The following ERAP2 variants were observed in gnomAD, a reference collection of about 807,000 sequenced individuals.
ERAP2 encodes leukocyte-derived arginine aminopeptidase.
Under a neutral mutation model 111.1 loss-of-function variants are expected in ERAP2, and 118 were observed. That is an observed-to-expected ratio of 1.06 (90% CI 0.92 to 1.24). The LOEUF (loss-of-function observed/expected upper bound fraction) is 1.24. Ranked by LOEUF, ERAP2 falls within the 50% of genes most tolerant of loss-of-function variation. The pLI is 0.00. For missense variants in ERAP2, 1,131 were observed against 1,125.8 expected, an observed-to-expected ratio of 1.00 and a Z score of -0.07; for synonymous variants, 410 against 401.2, an observed-to-expected ratio of 1.02 and a Z score of -0.26.
chr5:96,891,535 T>TACACAC (rs140359623), intron 5 of ERAP2, among the ~76,000 whole-genome samples: 2 of 138,992 alleles, frequency 1.4e-5, no homozygotes, highest in South Asian at 2.3e-4. Context: ...ACGGTATATA[T>TACACAC]ACACACACAC....
intron 2 of ERAP2, chr5:96,881,532 T>C (rs1402178668): frequency 2.0e-5 from 9 of 453,198 alleles, no homozygotes; most frequent in South Asian, 3.1e-5. Flanking sequence ...TTGTGTTCAA[T>C]TGCCAGTTGG....
intron 5 of ERAP2, among the ~76,000 whole-genome samples, chr5:96,891,144 G>A (rs1456099897): frequency 1.3e-5 from 2 of 152,032 alleles, no homozygotes; most frequent in African/African-American, 4.8e-5. Flanking sequence ...GAATTAACCA[G>A]TATTAACTCC....
At chr5:96,909,942 A>G (rs2112349004) in intron 15 of ERAP2, 178 bp downstream of exon 15, 1 of 576,856 alleles carries the variant, frequency 1.7e-6, no homozygotes, top group Admixed American at 3.1e-5. Context: ...GACTAGTACA[A>G]TCTCTACCAT....
At chr5:96,885,370 C>A (rs1215948320) in intron 3 of ERAP2, among the ~76,000 whole-genome samples, 3 of 152,120 alleles carry the variant, frequency 2.0e-5, no homozygotes, top group Non-Finnish European at 4.4e-5. Flanking sequence ...AAAATGGAGA[C>A]GGTTGTTGGG....
intron 4 of ERAP2, among the ~76,000 whole-genome samples, 172 bp from the exon 5 acceptor site, chr5:96,889,013 T>C (rs994857209): frequency 1.3e-5 from 2 of 152,198 alleles, no homozygotes; most frequent in African/African-American, 4.8e-5. Flanking sequence ...CAAGACTGAC[T>C]TTTGCTTTAA....
rs1554061288 is a variant in ERAP2 at position 96,914,148 on chromosome 5, TCACACA to T, written c.2657+706_2657+711del. ...CTTTCTGTCTCTCTCTCTCTCTCTC[TCACACA>T]CACACACACACACAATCACAAAACC... On this transcript the variant is annotated intron_variant, in intron 17 of 18. Transcript: ENST00000437043. 3.1e-3 allele frequency among the ~76,000 whole-genome samples: 466 copies of T among 148,076 alleles called. 1 individual carries two copies. The highest frequency in any genetic ancestry group is 5.1e-3 in the Non-Finnish European group (343 of 67,006).
At position 96,909,009 on chromosome 5, in the gene ERAP2, C is replaced by T; in HGVS notation, c.2061C>T (p.Leu687=). ...LDKALDMTYY[L]QHETSSPALL... Reference sequence around the variant, plus strand: ...AAGCTCTTGACATGACTTACTACCTCCAACATGAAACAAGCAGCCCCGCAC... The same window carrying T: ...AAGCTCTTGACATGACTTACTACCTTCAACATGAAACAAGCAGCCCCGCAC... Residue 687 remains leucine (L), a synonymous_variant, in exon 14 of 19, where the codon CTC becomes CTT. Transcript: ENST00000437043. 1 of 1,614,176 alleles carries T rather than the reference C, an allele frequency of 6.2e-7. No individual in the cohort carries two copies. Among genetic ancestry groups the T allele is most frequent in the Non-Finnish European group, 8.5e-7 (1 of 1,180,024 alleles).
At chr5:96,884,072 A>ATCTG (rs1340238114) in intron 3 of ERAP2, 142 bp downstream of exon 3, 3 of 556,180 alleles carry the variant, frequency 5.4e-6, no homozygotes, top group South Asian at 5.9e-5. Context: ...CTATCTATCT[A>ATCTG]TCTATCTATC....
intron 15 of ERAP2, among the ~76,000 whole-genome samples, chr5:96,910,593 T>C (rs951451191): frequency 5.9e-5 from 9 of 152,240 alleles, no homozygotes; most frequent in Non-Finnish European, 1.3e-4. Flanking sequence ...ATTTCATCTT[T>C]ATGCTAGTTA....
At chr5:96,909,555 G>C (rs985689893) in intron 14 of ERAP2, 25 bp from the exon 15 acceptor site, 1 of 1,597,184 alleles carries the variant, frequency 6.3e-7, no homozygotes, top group Non-Finnish European at 8.6e-7. Flanking sequence ...TAGCCTCTCT[G>C]TTAACCATCT....
chr5:96,902,603 T>C (rs964516045), intron 12 of ERAP2: 4 of 366,408 alleles, frequency 1.1e-5, no homozygotes, highest in Admixed American at 4.3e-5. Context: ...AACAGAAATC[T>C]ATCTTATGTC....
Position 96,912,785 on chromosome 5 carries a change from GA to G in ERAP2, c.2507del (p.Lys836SerfsTer3). ...TGCTTTGTCAACGAGCAAGCATCAG[GA>G]AAAGTTACTGAAGTAAGTTCAATAA... ...LYALSTSKHQ[E>X]KLLKLIELGM... On this transcript the variant is annotated frameshift_variant, in exon 16 of 19. Transcript: ENST00000437043. LOFTEE classifies it high-confidence loss of function. 6.3e-7 allele frequency: 1 copy of G among 1,596,988 alleles called. No individual in the cohort carries two copies. The highest frequency in any genetic ancestry group is 1.8e-5 in the Admixed American group (1 of 55,014).
At chr5:96,891,349 A>ATG (rs770174720) in intron 5 of ERAP2, among the ~76,000 whole-genome samples, 24 of 123,880 alleles carry the variant, frequency 1.9e-4, no homozygotes, top group African/African-American at 6.2e-4. Flanking sequence ...GTATATGTAT[A>ATG]TGTGTGTGTA....
At chr5:96,894,995 T>C (rs1245648934) in intron 6 of ERAP2, among the ~76,000 whole-genome samples, 1 of 151,486 alleles carries the variant, frequency 6.6e-6, no homozygotes, top group Non-Finnish European at 1.5e-5. Context: ...GCAGATAGAA[T>C]GAAAGTCGAA....
At chr5:96,909,858 A>G in intron 15 of ERAP2, 94 bp downstream of exon 15, 3 of 1,271,462 alleles carry the variant, frequency 2.4e-6, no homozygotes, top group Non-Finnish European at 3.2e-6. Flanking sequence ...CCTTTTAGTG[A>G]GGATAGAAAA....
intron 14 of ERAP2, 76 bp downstream of exon 14, chr5:96,909,193 T>C: frequency 6.9e-7 from 1 of 1,439,796 alleles, no homozygotes; most frequent in East Asian, 2.3e-5. Flanking sequence ...GTTTGTTTTG[T>C]GTGAAGTCCT....
At chr5:96,899,330 A>G (rs1404853994) in intron 9 of ERAP2, among the ~76,000 whole-genome samples, 2 of 152,248 alleles carry the variant, frequency 1.3e-5, no homozygotes, top group African/African-American at 4.8e-5. Context: ...ATTTTGACCA[A>G]CTCTCTTCTG....
chr5:96,883,832 A>G lies in ERAP2; in HGVS notation c.616A>G (p.Met206Val), dbSNP rs1249037976. The G allele has an allele frequency of 6.2e-7, 1 of 1,613,630 alleles. No homozygotes were observed. The highest frequency in any genetic ancestry group is 1.3e-5 in the African/African-American group (1 of 75,022). The change falls in exon 3 of 19, where the codon ATG (methionine) becomes GTG (valine). Residue 206 changes from methionine (M) to valine (V), a missense_variant. This residue lies in a region of ERAP2 where 847 missense variants were observed against 856.5 expected (regional missense o/e 0.99). Coordinates refer to ENST00000437043, the MANE Select transcript of ERAP2 (RefSeq NM_022350.5). ...AGATTTTGAGCCAACCCAGGCACGC[A>G]TGGCTTTCCCTTGCTTTGATGAACC... ...VTDFEPTQAR[M>V]AFPCFDEPLF... is the part of the protein sequence containing the mutation.
At chr5:96,887,106 C>CACATATACAT (rs1554055590) in intron 4 of ERAP2, among the ~76,000 whole-genome samples, 1 of 34,780 alleles carries the variant, frequency 2.9e-5, no homozygotes, top group African/African-American at 6.2e-5. Context: ...TATATACACA[C>CACATATACAT]ACACACACAC....
Sources: gnomAD v4.1 joint callset for allele counts (sites outside exome capture counted in the v4.1 genomes callset) on GRCh38, gnomAD v4.1.1 for gene constraint, gnomAD v4.1.1 regional missense constraint, MANE v1.5 for transcripts, NCBI Gene and HGNC (gene_info 2026-07-23, HGNC 2026-07-21) for gene names.